Variants in HMCN1 observed in about 807,000 individuals in gnomAD.
The protein encoded by HMCN1 is hemicentin-1.
HMCN1 carries 321 observed loss-of-function variants against 625.9 expected under a neutral mutation model. The ratio of observed to expected loss-of-function variants is 0.51; its 90% CI spans 0.47 to 0.56. The LOEUF (loss-of-function observed/expected upper bound fraction) is 0.56, where lower values mean the gene tolerates loss of function less well. Among genes scored for constraint, HMCN1 ranks in the 20% least tolerant of loss-of-function variants. The pLI is 0.00. For missense variants in HMCN1, 6,588 were observed against 6,887.3 expected (o/e 0.96, Z 1.54); for synonymous variants, 2,425 against 2,417.6 (o/e 1.00, Z -0.09).
intron 1 of HMCN1, among the ~76,000 whole-genome samples, chr1:185,747,540 G>A (rs7514923): frequency 0.037 from 5,557 of 152,036 alleles, 355 homozygotes; most frequent in African/African-American, 0.13. Flanking sequence ...GGCTGGTCTC[G>A]AACTCCTGAC....
intron 30 of HMCN1, among the ~76,000 whole-genome samples, chr1:186,011,116 G>C (rs1270306379): frequency 6.6e-6 from 1 of 152,094 alleles, no homozygotes; most frequent in Non-Finnish European, 1.5e-5. Context: ...AGTGATCTCA[G>C]CTCACTGCAA....
chr1:186,187,859 G>A lies in HMCN1; in HGVS notation c.16415-24G>A, dbSNP rs1653445301. On this transcript the variant is annotated intron_variant, in intron 105 of 106. Coordinates refer to ENST00000271588, the MANE Select transcript of HMCN1 (RefSeq NM_031935.3). The stretch of plus-strand genomic sequence containing the variant: ...TTCTCTCACCCTCACTGCTGATGCT[G>A]CATGTTCCCTGTGCTGTCCCTAGAT... 3.1e-6 allele frequency: 5 copies of A among 1,613,162 alleles called. No homozygotes were observed. In the African/African-American group the frequency reaches 4.0e-5, roughly 13 times the overall value.
At chr1:185,989,005 C>CTTTTT (rs569764243) in intron 20 of HMCN1, among the ~76,000 whole-genome samples, 2 of 117,552 alleles carry the variant, frequency 1.7e-5, no homozygotes, top group Non-Finnish European at 3.4e-5. Context: ...ACTTTTAGTA[C>CTTTTT]TTTTTTTTTT....
intron 1 of HMCN1, among the ~76,000 whole-genome samples, chr1:185,747,999 T>G (rs1654533340): frequency 6.6e-6 from 1 of 150,600 alleles, no homozygotes; most frequent in Non-Finnish European, 1.5e-5. Flanking sequence ...GCATGGGTGA[T>G]GGGGAGGAGA....
At chr1:185,995,615 T>C (rs1652729614) in intron 24 of HMCN1, among the ~76,000 whole-genome samples, 1 of 152,154 alleles carries the variant, frequency 6.6e-6, no homozygotes, top group South Asian at 2.1e-4. Context: ...CCTGCTTTCA[T>C]GAGCTGTTAT....
intron 89 of HMCN1, among the ~76,000 whole-genome samples, chr1:186,140,898 C>G (rs1468785795): frequency 6.6e-6 from 1 of 152,080 alleles, no homozygotes; most frequent in Non-Finnish European, 1.5e-5. Context: ...AATTTTTCTA[C>G]AGATCGAGGG....
At chr1:185,982,440 TC>T (rs376767973) in intron 18 of HMCN1, 51 bp downstream of exon 18, 54 of 1,522,250 alleles carry the variant, frequency 3.5e-5, no homozygotes, top group Admixed American at 1.7e-4. Flanking sequence ...AGTTTTCTTT[TC>T]TTTTTTTTTT....
In HMCN1 at chr1:186,040,993, A is replaced by G. The variant is rs1656165107; in HGVS notation, c.6181-20A>G. ...ATTCTCAGAGACATATTGGTTATTT[A>G]GCGTTCTTACCATTGATAGGTTCTC... is the stretch of plus-strand genomic sequence containing the variant. On this transcript the variant is annotated intron_variant, in intron 39 of 106. Coordinates refer to ENST00000271588, the MANE Select transcript of HMCN1 (RefSeq NM_031935.3). 1 of 1,611,920 alleles carries G rather than the reference A, an allele frequency of 6.2e-7. No homozygotes were observed. The highest frequency in any genetic ancestry group is 8.5e-7 in the Non-Finnish European group (1 of 1,178,402).
intron 64 of HMCN1, among the ~76,000 whole-genome samples, chr1:186,091,405 C>T (rs1659836773): frequency 6.6e-6 from 1 of 151,980 alleles, no homozygotes; most frequent in Non-Finnish European, 1.5e-5. Flanking sequence ...AATGTCATAA[C>T]TGTTATAGTG....
At chr1:185,881,049 A>T (rs917757803) in intron 4 of HMCN1, among the ~76,000 whole-genome samples, 1 of 152,196 alleles carries the variant, frequency 6.6e-6, no homozygotes, top group Non-Finnish European at 1.5e-5. Flanking sequence ...CCCAGAAGGC[A>T]TGTTACACTG....
chr1:186,023,181 A>C, intron 36 of HMCN1, 28 bp downstream of exon 36: 4 of 1,598,186 alleles, frequency 2.5e-6, no homozygotes, highest in Non-Finnish European at 3.4e-6. Flanking sequence ...CCTTAACAAA[A>C]GAATATTTGT....
intron 40 of HMCN1, 25 bp from the exon 41 acceptor site, chr1:186,045,663 G>C (rs1571771332): frequency 6.2e-7 from 1 of 1,600,448 alleles, no homozygotes; most frequent in East Asian, 2.2e-5. Flanking sequence ...GTTTTATCCT[G>C]AAAGAAAACC....
intron 18 of HMCN1, among the ~76,000 whole-genome samples, chr1:185,983,168 T>A (rs1046298437): frequency 4.6e-5 from 7 of 152,162 alleles, no homozygotes; most frequent in Non-Finnish European, 1.0e-4. Context: ...TGTTTTTCGG[T>A]GTAAAATTTT....
chr1:186,074,972 A>T, intron 53 of HMCN1, 81 bp downstream of exon 53: 2 of 1,222,550 alleles, frequency 1.6e-6, no homozygotes, highest in Non-Finnish European at 2.4e-6. Context: ...CTTATTTTAA[A>T]CAGTGTTTTT....
In HMCN1 at chr1:185,734,806, A is replaced by G. The variant is rs1479594971; in HGVS notation, c.27A>G (p.Thr9=). Residue 9 remains threonine (T), a synonymous_variant, in exon 1 of 107, where the codon ACA becomes ACG. Transcript: ENST00000271588. MISWEVVH[T]VFLFALLYSS... ...TGATTTCCTGGGAAGTTGTCCATAC[A>G]GTATTCCTGTTTGCTCTTCTTTATT... 2 of 1,614,166 alleles carry G rather than the reference A, an allele frequency of 1.2e-6. No individual in the cohort carries two copies. The highest frequency in any genetic ancestry group is 1.7e-5 in the Admixed American group (1 of 60,030).
intron 11 of HMCN1, among the ~76,000 whole-genome samples, chr1:185,959,993 A>G (rs1387947371): frequency 6.6e-6 from 1 of 152,168 alleles, no homozygotes; most frequent in African/African-American, 2.4e-5. Flanking sequence ...AATCTACTAT[A>G]TCATTATTTA....
Position 185,922,515 on chromosome 1 carries a change from T to C in HMCN1, c.1021+16T>C. ...CCAGTGCAAGGTTTGTATGTGCATA[T>C]TATTTAAATTGACATAATAGATATC... On this transcript the variant is annotated intron_variant, in intron 7 of 106. Transcript: ENST00000271588. 17 of 1,594,030 alleles carry C rather than the reference T, an allele frequency of 1.1e-5. No individual in the cohort carries two copies. Among genetic ancestry groups the C allele is most frequent in the Non-Finnish European group, 1.5e-5 (17 of 1,167,360 alleles).
At chr1:185,857,787 C>T (rs980121065) in intron 2 of HMCN1, among the ~76,000 whole-genome samples, 2 of 152,140 alleles carry the variant, frequency 1.3e-5, no homozygotes, top group South Asian at 2.1e-4. Context: ...TTTATCCATT[C>T]ATTCATCAAA....
chr1:185,838,544 G>A (rs1217356971), intron 1 of HMCN1, among the ~76,000 whole-genome samples: 1 of 152,200 alleles, frequency 6.6e-6, no homozygotes. Flanking sequence ...GGGCATCTAG[G>A]AGTGGGAGAG....
Sources: gnomAD v4.1 joint callset for allele counts (sites outside exome capture counted in the v4.1 genomes callset) on GRCh38, gnomAD v4.1.1 for gene constraint, MANE v1.5 for transcripts, NCBI Gene and HGNC (gene_info 2026-07-23, HGNC 2026-07-21) for gene names.